PDE4DIP: variants seen among roughly 807,000 people sequenced by gnomAD.
The protein encoded by PDE4DIP is phosphodiesterase 4D interacting protein.
In PDE4DIP, 59 loss-of-function variants were observed where a neutral mutation model predicts 221.4. The ratio of observed to expected loss-of-function variants is 0.27; its 90% CI spans 0.22 to 0.33. The LOEUF (loss-of-function observed/expected upper bound fraction) is 0.33. PDE4DIP is among the 10% of genes least tolerant of loss of function. PDE4DIP has a pLI of 1.00. For synonymous variants in PDE4DIP, 404 were observed against 815.9 expected (o/e 0.50, Z 8.60); for missense variants, 1,036 against 2,154.2 (o/e 0.48, Z 10.28).
At chr1:148,984,797 A>G (rs782715135) in intron 21 of PDE4DIP, 3 of 152,124 alleles carry the variant, frequency 2.0e-5, no homozygotes, top group Non-Finnish European at 4.4e-5. Flanking sequence ...GAGAACAATA[A>G]TACCTTTGCT....
chr1:148,979,689 G>T, intron 19 of PDE4DIP, 48 bp from the exon 23 acceptor site: 3 of 1,546,224 alleles, frequency 1.9e-6, no homozygotes, highest in Non-Finnish European at 2.7e-6. Context: ...TCTTATTCAT[G>T]TCTCACTGTG....
intron 21 of PDE4DIP, chr1:148,982,328 G>T (rs1357926620): frequency 1.2e-4 from 19 of 152,074 alleles, no homozygotes; most frequent in African/African-American, 4.3e-4. Context: ...ACTCATTATA[G>T]CCAGAAGAGG....
At chr1:148,937,200 G>T (rs1161309755) in intron 4 of PDE4DIP, among the ~76,000 whole-genome samples, 1 of 152,098 alleles carries the variant, frequency 6.6e-6, no homozygotes, top group Non-Finnish European at 1.5e-5. Flanking sequence ...AATCTTATTG[G>T]ACCATCATCA....
At chr1:148,964,135 G>A (rs1419503749) in intron 9 of PDE4DIP, among the ~76,000 whole-genome samples, 1 of 135,398 alleles carries the variant, frequency 7.4e-6, no homozygotes, top group African/African-American at 2.8e-5. Context: ...TTGAGACAGA[G>A]TTTTGCTCTT....
intron 9 of PDE4DIP, among the ~76,000 whole-genome samples, chr1:148,964,049 C>T (rs112733956): frequency 0.019 from 2,947 of 151,130 alleles, 83 homozygotes; most frequent in African/African-American, 0.069. Context: ...TGAGCCACTG[C>T]GCCCGGCCTC....
At chr1:149,021,279 C>T (rs749304314) in intron 37 of PDE4DIP, 126 bp downstream of exon 40, 19 of 727,690 alleles carry the variant, frequency 2.6e-5, no homozygotes, top group East Asian at 5.1e-5. Flanking sequence ...AACCCCCACC[C>T]GAGCCTGGGG....
chr1:148,981,370 A>C, exon 21 of PDE4DIP: 2 of 1,614,062 alleles, frequency 1.2e-6, no homozygotes, highest in Non-Finnish European at 1.7e-6. Flanking sequence ...GCGCTTAAAC[A>C]GGCTGGAGAC....
chr1:148,923,334 CATT>C (rs1293144038), intron 1 of PDE4DIP, among the ~76,000 whole-genome samples: 1 of 151,508 alleles, frequency 6.6e-6, no homozygotes, highest in African/African-American at 2.4e-5. Flanking sequence ...ACAAACGTAT[CATT>C]GTTAGTCCAC....
rs1317693821 is a variant in PDE4DIP at position 148,923,597 on chromosome 1, T to C, written c.142-5600T>C. Among the ~76,000 whole-genome samples the C allele has an allele frequency of 3.1e-5, 4 of 128,774 alleles. 1 individual carries two copies. The highest frequency in any genetic ancestry group is 2.0e-4 in the East Asian group (1 of 5,096). 84.5% of individuals were successfully genotyped at this position (128,774 alleles called of 152,430 possible). ...CACGCCATTCTCCTGCCTCAGCCTC[T>C]CAAGTAGCTGGGACTACAGGAGCCC... On this transcript the variant is annotated intron_variant, in intron 1 of 43. Transcript: ENST00000369354.
In PDE4DIP at chr1:148,894,315, AAAG is replaced by A. The variant is rs1435972872; in HGVS notation, c.141+4425_141+4427del. 1.7e-5 allele frequency among the ~76,000 whole-genome samples: 2 copies of A among 115,102 alleles called. 1 individual carries two copies. Among genetic ancestry groups the A allele is most frequent in the Admixed American group, 1.9e-4 (2 of 10,562 alleles). The allele number at this position is 115,102 out of a possible 152,430, so 75.5% of individuals were successfully genotyped here. ...ATCAACCTCAAAGCAAGTAAATAAA[AAAG>A]AAGGAGTTTCTCTCTTTTAAGCTGT... On this transcript the variant is annotated intron_variant, in intron 1 of 43. Coordinates refer to ENST00000369354, the Ensembl canonical transcript of PDE4DIP.
exon 27 of PDE4DIP, chr1:149,004,965 G>A (rs782190013): frequency 2.0e-6 from 2 of 1,012,420 alleles, no homozygotes; most frequent in Non-Finnish European, 3.1e-6. Context: ...GCTGTGCTCT[G>A]AGCAGGGACG....
At chr1:149,009,587 G>C (rs2067980433) in exon 30 of PDE4DIP, 2 of 1,608,674 alleles carry the variant, frequency 1.2e-6, no homozygotes, top group Admixed American at 3.3e-5. Flanking sequence ...GGAGCTGCAG[G>C]AGAAGGAGAA....
At chr1:149,030,067 G>C (rs2274128) in intron 42 of PDE4DIP, 142 bp downstream of exon 45, 7 of 1,103,276 alleles carry the variant, frequency 6.3e-6, no homozygotes, top group East Asian at 5.0e-5. Context: ...TCCTGTACCA[G>C]GAGCAATTGT....
At position 149,024,178 on chromosome 1, in the gene PDE4DIP, A is replaced by T. The variant is rs587654457; in HGVS notation, c.6086-267A>T. On this transcript the variant is annotated intron_variant, in intron 37 of 43. Transcript: ENST00000369354. ...CAGGATTAAGGTTACTATGGAGATG[A>T]AATATGGACTTATCTTCATCTGCCA... is the stretch of plus-strand genomic sequence containing the variant. 8.0e-5 allele frequency: 25 copies of T among 314,086 alleles called. 1 individual carries two copies. The East Asian group carries it at 2.3e-3, about 29-fold the overall frequency. The allele number at this position is 314,086 out of a possible 1,614,324, so 19.5% of individuals were successfully genotyped here.
chr1:149,032,405 A>G (rs1464023871), exon 44 of PDE4DIP: 10 of 456,712 alleles, frequency 2.2e-5, no homozygotes, highest in East Asian at 1.9e-4. Flanking sequence ...CGTGGTCCCA[A>G]TGCTGGAGCT....
intron 37 of PDE4DIP, among the ~76,000 whole-genome samples, chr1:149,024,017 A>T (rs2074252617): frequency 6.6e-6 from 1 of 151,520 alleles, no homozygotes; most frequent in South Asian, 2.1e-4. Flanking sequence ...TCACATTCTC[A>T]CATGCTACCA....
At chr1:148,983,104 C>A (rs2061375462) in intron 21 of PDE4DIP, 1 of 152,098 alleles carries the variant, frequency 6.6e-6, no homozygotes, top group South Asian at 2.1e-4. Context: ...GATCCATCCA[C>A]TTTTCTTAGT....
At chr1:148,960,148 C>T (rs1429973036) in intron 5 of PDE4DIP, among the ~76,000 whole-genome samples, 3 of 152,302 alleles carry the variant, frequency 2.0e-5, no homozygotes, top group African/African-American at 4.8e-5. Context: ...GAAAATTAGA[C>T]ATTGATAAAA....
intron 2 of PDE4DIP, 29 bp downstream of exon 5, chr1:148,929,302 T>C (rs1279323142): frequency 6.4e-7 from 1 of 1,572,958 alleles, no homozygotes; most frequent in Non-Finnish European, 8.7e-7. Flanking sequence ...CTCTGGTCCT[T>C]TCCAGAGTCT....
Sources: gnomAD v4.1 joint callset for allele counts (sites outside exome capture counted in the v4.1 genomes callset) on GRCh38, gnomAD v4.1.1 for gene constraint, MANE v1.5 for transcripts, NCBI Gene and HGNC (gene_info 2026-07-23, HGNC 2026-07-21) for gene names.